The following MIGA1 variants were observed in gnomAD, a reference collection of about 807,000 sequenced individuals.
MIGA1 encodes mitoguardin 1, also known as family with sequence similarity 73, member A.
In MIGA1, 58 loss-of-function variants were observed where a neutral mutation model predicts 82.0. The observed-to-expected ratio is 0.71, with a 90% CI of 0.57 to 0.88. MIGA1 has a LOEUF of 0.88. Among genes scored for constraint, MIGA1 ranks in the 40% least tolerant of loss-of-function variants. The pLI is 0.00. For synonymous variants in MIGA1, 249 were observed against 253.6 expected, an observed-to-expected ratio of 0.98 and a Z score of 0.17; for missense variants, 751 against 749.1, an observed-to-expected ratio of 1.00 and a Z score of -0.03.
At chr1:77,838,438 T>A (rs1044356953) in intron 7 of MIGA1, among the ~76,000 whole-genome samples, 3 of 151,628 alleles carry the variant, frequency 2.0e-5, no homozygotes, top group Non-Finnish European at 4.4e-5. Context: ...TTACCTTCTA[T>A]CTTATTTATT....
intron 7 of MIGA1, among the ~76,000 whole-genome samples, chr1:77,834,879 C>T (rs1324958321): frequency 1.3e-5 from 2 of 152,174 alleles, no homozygotes; most frequent in Non-Finnish European, 2.9e-5. Flanking sequence ...TGCTGAATAT[C>T]ACCTGGAGAA....
intron 14 of MIGA1, among the ~76,000 whole-genome samples, chr1:77,871,122 AGAG>A (rs757826735): frequency 0.66 from 15,359 of 23,172 alleles, 4,945 homozygotes; most frequent in South Asian, 0.74. Flanking sequence ...AGGGAGAGGG[AGAG>A]GAGGGAGAGG....
chr1:77,811,628 T>C, intron 5 of MIGA1: 1 of 1,612,190 alleles, frequency 6.2e-7, no homozygotes. Flanking sequence ...AATTCAGAAT[T>C]ATTGTGTTGA....
At chr1:77,785,708 G>T (rs1386573709) in intron 2 of MIGA1, among the ~76,000 whole-genome samples, 3 of 152,206 alleles carry the variant, frequency 2.0e-5, no homozygotes, top group Non-Finnish European at 2.9e-5. Flanking sequence ...TCCAGGTCAT[G>T]CTGATGCAAG....
intron 8 of MIGA1, chr1:77,848,188 A>C: frequency 2.8e-6 from 4 of 1,441,620 alleles, no homozygotes; most frequent in South Asian, 1.2e-5. Flanking sequence ...CCAGTCATAG[A>C]GATTCCCATT....
chr1:77,849,403 A>AT (rs1684963664), intron 8 of MIGA1, among the ~76,000 whole-genome samples: 1 of 152,142 alleles, frequency 6.6e-6, no homozygotes, highest in South Asian at 2.1e-4. Context: ...TCTAAAAAAA[A>AT]CCTTTTTTTA....
chr1:77,805,755 T>C (rs1683075771), intron 4 of MIGA1, among the ~76,000 whole-genome samples: 1 of 151,864 alleles, frequency 6.6e-6, no homozygotes, highest in South Asian at 2.1e-4. Context: ...ACTCCTGACC[T>C]CAAGTGATCT....
chr1:77,803,433 TA>T, intron 4 of MIGA1, 27 bp downstream of exon 4: 2 of 1,282,124 alleles, frequency 1.6e-6, no homozygotes, highest in Non-Finnish European at 2.1e-6. Context: ...TATTAATTTT[TA>T]AAATTTTTGT....
At chr1:77,808,317 G>C (rs1232059954) in intron 5 of MIGA1, among the ~76,000 whole-genome samples, 1 of 151,990 alleles carries the variant, frequency 6.6e-6, no homozygotes, top group East Asian at 1.9e-4. Flanking sequence ...AAAGATGTAA[G>C]ATGTTACCTT....
chr1:77,811,616 T>A, intron 5 of MIGA1: 1 of 1,612,230 alleles, frequency 6.2e-7, no homozygotes, highest in East Asian at 2.2e-5. Context: ...TGTTCTTCTG[T>A]GAATTCAGAA....
chr1:77,822,741 CTTA>C (rs1330397884), intron 7 of MIGA1, among the ~76,000 whole-genome samples: 1 of 150,724 alleles, frequency 6.6e-6, no homozygotes, highest in East Asian at 2.0e-4. Flanking sequence ...AAGGATTCTA[CTTA>C]TTATACATTT....
At chr1:77,838,939 G>A (rs1181551524) in intron 7 of MIGA1, among the ~76,000 whole-genome samples, 1 of 152,076 alleles carries the variant, frequency 6.6e-6, no homozygotes, top group African/African-American at 2.4e-5. Flanking sequence ...TCATTGTTGT[G>A]TAGTATTTCA....
Position 77,860,057 on chromosome 1 carries a change from A to T in MIGA1, c.1206A>T (p.Ser402=). ...TTTTTCAGGTAATTCTTTCAGAATC[A>T]GCTAACAGGATATTCCTCGCTGAGA... Residue 402 remains serine, a synonymous_variant, in exon 11 of 16, where the codon TCA becomes TCT. Transcript: ENST00000370791. 5 of 1,608,732 alleles carry T rather than the reference A, an allele frequency of 3.1e-6. No homozygotes were observed. The highest frequency in any genetic ancestry group is 2.5e-6 in the Non-Finnish European group (3 of 1,177,358).
intron 7 of MIGA1, among the ~76,000 whole-genome samples, chr1:77,833,824 T>G (rs1684328512): frequency 6.6e-6 from 1 of 152,236 alleles, no homozygotes; most frequent in South Asian, 2.1e-4. Flanking sequence ...AGTCACTTCT[T>G]TCTTCTTTAA....
chr1:77,801,168 T>G (rs528952577), intron 2 of MIGA1, among the ~76,000 whole-genome samples, 163 bp from the exon 3 acceptor site: 10 of 152,192 alleles, frequency 6.6e-5, no homozygotes, highest in Non-Finnish European at 1.5e-4. Context: ...AGATATTTTT[T>G]AAAAAATCAA....
chr1:77,791,709 G>A (rs990027177), intron 2 of MIGA1, among the ~76,000 whole-genome samples: 2 of 151,250 alleles, frequency 1.3e-5, no homozygotes, highest in Non-Finnish European at 2.9e-5. Context: ...GATTACAGGC[G>A]CACACCACCA....
chr1:77,831,510 G>A (rs1684243512), intron 7 of MIGA1, among the ~76,000 whole-genome samples: 1 of 151,404 alleles, frequency 6.6e-6, no homozygotes, highest in Non-Finnish European at 1.5e-5. Context: ...AATTATTTTG[G>A]TAAAAATTAG....
chr1:77,864,099 G>A (rs1412071661), intron 13 of MIGA1, 71 bp downstream of exon 13: 12 of 1,510,944 alleles, frequency 7.9e-6, no homozygotes, highest in East Asian at 2.4e-5. Flanking sequence ...AGTAGCTCAC[G>A]CCTGTAATCC....
At chr1:77,824,363 C>T (rs1683950130) in intron 7 of MIGA1, among the ~76,000 whole-genome samples, 1 of 152,056 alleles carries the variant, frequency 6.6e-6, no homozygotes, top group Non-Finnish European at 1.5e-5. Context: ...GAGTTCAAGA[C>T]CCAGTCTGGA....
Sources: gnomAD v4.1 joint callset for allele counts (sites outside exome capture counted in the v4.1 genomes callset) on GRCh38, gnomAD v4.1.1 for gene constraint, MANE v1.5 for transcripts, NCBI Gene and HGNC (gene_info 2026-07-23, HGNC 2026-07-21) for gene names.